DOCK9: variants seen among roughly 807,000 people sequenced by gnomAD.
The protein encoded by DOCK9 is dedicator of cytokinesis protein 9.
Under a neutral mutation model 263.3 loss-of-function variants are expected in DOCK9, and 89 were observed. The observed-to-expected ratio is 0.34, with a 90% confidence interval of 0.28 to 0.40. The LOEUF (loss-of-function observed/expected upper bound fraction) is 0.40, where lower values mean the gene tolerates loss of function less well. Among genes scored for constraint, DOCK9 ranks in the 10% least tolerant of loss-of-function variants. The pLI is 1.00. For missense variants in DOCK9, 2,140 were observed against 2,603.4 expected (o/e 0.82, Z 3.87); for synonymous variants, 976 against 973.1 (o/e 1.00, Z -0.06).
intron 38 of DOCK9, among the ~76,000 whole-genome samples, chr13:98,843,790 A>C (rs546178063): frequency 6.6e-6 from 1 of 152,368 alleles, no homozygotes; most frequent in African/African-American, 2.4e-5. Context: ...GCACCAGGCC[A>C]GCTGTCTCTC....
At position 98,888,202 on chromosome 13, in the gene DOCK9, T is replaced by A. The variant is rs746632565; in HGVS notation, c.1999A>T (p.Ile667Phe). 1 of 1,610,286 alleles carries A rather than the reference T, an allele frequency of 6.2e-7. No individual in the cohort carries two copies. The highest frequency in any genetic ancestry group is 1.1e-5 in the South Asian group (1 of 90,218). ...TCCTCATCTGAATCTTTGAATTCAA[T>A]GCAAATCGCAATATTTCTAGCCTGC... Reference protein sequence around the residue: ...FAKARNIAICIEFKDSDEEDS... With the variant: ...FAKARNIAICFEFKDSDEEDS... The change falls in exon 18 of 53, where the codon ATT (isoleucine) becomes TTT (phenylalanine). Residue 667 changes from isoleucine (I) to phenylalanine (F), a missense_variant. Ile to Phe is a conservative substitution (Grantham distance 21). This residue lies in a region of DOCK9 where 1,521 missense variants were observed against 1,741.7 expected (regional missense o/e 0.87). Transcript: ENST00000682017.
chr13:98,826,794 T>A, intron 44 of DOCK9, 36 bp downstream of exon 44: 1 of 1,536,042 alleles, frequency 6.5e-7, no homozygotes, highest in Non-Finnish European at 8.9e-7. Context: ...GGTTTTATAC[T>A]AATTAATTTC....
chr13:98,853,605 T>C, intron 34 of DOCK9, 83 bp from the exon 35 acceptor site: 1 of 1,008,146 alleles, frequency 9.9e-7, no homozygotes, highest in Non-Finnish European at 1.5e-6. Flanking sequence ...AGAGAAAGAC[T>C]CTTAGAATCA....
chr13:99,013,668 G>A (rs12875358), intron 1 of DOCK9, among the ~76,000 whole-genome samples: 13,436 of 152,142 alleles, frequency 0.088, 721 homozygotes, highest in African/African-American at 0.15. Flanking sequence ...GTCCTGGGAA[G>A]TAGAAACAGC....
At chr13:98,839,038 A>C (rs910009373) in intron 38 of DOCK9, among the ~76,000 whole-genome samples, 1 of 152,228 alleles carries the variant, frequency 6.6e-6, no homozygotes, top group Admixed American at 6.5e-5. Context: ...GGTTTTTAAA[A>C]GGCTACAGAA....
At chr13:98,845,268 G>T in intron 38 of DOCK9, 6 of 1,221,026 alleles carry the variant, frequency 4.9e-6, no homozygotes, top group Non-Finnish European at 5.5e-6. Flanking sequence ...TGAACAAAAA[G>T]GGTCTTGGCT....
chr13:98,831,490 G>A lies in DOCK9; in HGVS notation c.4493C>T (p.Ala1498Val), dbSNP rs760655497. ...CTTGAGAATCTCGTAACACAGAGCCGCACACATGTCCGCTCTCCCTTCATA... is the reference window on the plus strand; with the variant it reads ...CTTGAGAATCTCGTAACACAGAGCCACACACATGTCCGCTCTCCCTTCATA... ...TFYEGRADMC[A>V]ALCYEILKCC... The change falls in exon 41 of 53, where the codon GCG (alanine) becomes GTG (valine). Residue 1498 changes from alanine to valine, a missense_variant. Physicochemically the swap from Ala to Val is moderately conservative, Grantham distance 64. Transcript: ENST00000682017. 1.0e-5 allele frequency: 16 copies of A among 1,590,564 alleles called. No individual in the cohort carries two copies. The highest frequency in any genetic ancestry group is 2.3e-5 in the East Asian group (1 of 44,052).
intron 4 of DOCK9, among the ~76,000 whole-genome samples, chr13:98,924,437 C>T (rs1390907697): frequency 6.6e-6 from 1 of 152,216 alleles, no homozygotes; most frequent in Non-Finnish European, 1.5e-5. Context: ...AGTTTTAAAA[C>T]ATAATCCATC....
At chr13:99,074,628 GAAC>G (rs2041833850) in intron 1 of DOCK9, among the ~76,000 whole-genome samples, 1 of 79,470 alleles carries the variant, frequency 1.3e-5, no homozygotes, top group East Asian at 9.9e-4. Flanking sequence ...GTGATACAAA[GAAC>G]AACAGATGAG....
At chr13:98,884,690 G>A (rs575292191) in intron 21 of DOCK9, among the ~76,000 whole-genome samples, 1 of 152,098 alleles carries the variant, frequency 6.6e-6, no homozygotes. Context: ...ATGGCCAGTC[G>A]GCAGAGACAG....
At position 98,915,423 on chromosome 13, in the gene DOCK9, C is replaced by T; in HGVS notation, c.798G>A (p.Val266=). The change falls in exon 8 of 53, where the codon GTG becomes GTA. Residue 266 remains valine, a synonymous_variant. Coordinates refer to ENST00000682017, the MANE Select transcript of DOCK9 (RefSeq NM_001366683.2). ...GAATTGTGATCCATTCTTCCATTTC[C>T]ACTTCACTGTCTGCTGCCAAGAGAT... is the stretch of plus-strand genomic sequence containing the variant. ...SSYLLAADSE[V]EMEEWITILN... is the part of the protein sequence containing the mutation. 1 of 1,613,936 alleles carries T rather than the reference C, an allele frequency of 6.2e-7. No homozygotes were observed. The highest frequency in any genetic ancestry group is 8.5e-7 in the Non-Finnish European group (1 of 1,179,868).
At chr13:99,001,663 T>C (rs566396462) in intron 1 of DOCK9, among the ~76,000 whole-genome samples, 3 of 152,304 alleles carry the variant, frequency 2.0e-5, no homozygotes, top group South Asian at 4.1e-4. Context: ...AGAGGAGGAC[T>C]TGGGGCCTTT....
chr13:98,890,612 A>G (rs2046474567), intron 15 of DOCK9, among the ~76,000 whole-genome samples: 1 of 152,188 alleles, frequency 6.6e-6, no homozygotes, highest in African/African-American at 2.4e-5. Flanking sequence ...ACCAAAGCAC[A>G]GGGACTGGCA....
At chr13:98,942,488 T>C (rs1183142923) in intron 2 of DOCK9, among the ~76,000 whole-genome samples, 10 of 152,142 alleles carry the variant, frequency 6.6e-5, no homozygotes, top group Non-Finnish European at 1.3e-4. Context: ...TCTGCCCACC[T>C]CGGCCTCCCA....
chr13:98,869,336 A>G (rs1227771007), intron 27 of DOCK9, among the ~76,000 whole-genome samples: 3 of 152,204 alleles, frequency 2.0e-5, no homozygotes, highest in African/African-American at 7.2e-5. Context: ...TACCCCTATA[A>G]GTTTAATCCT....
intron 1 of DOCK9, among the ~76,000 whole-genome samples, chr13:99,008,212 CTATATATA>C (rs1161970142): frequency 1.3e-5 from 1 of 79,166 alleles, no homozygotes; most frequent in Non-Finnish European, 2.6e-5. Flanking sequence ...CTCTCTCTCT[CTATATATA>C]TATATATATA....
At chr13:99,009,824 G>A (rs572674003) in intron 1 of DOCK9, among the ~76,000 whole-genome samples, 47 of 152,170 alleles carry the variant, frequency 3.1e-4, no homozygotes, top group African/African-American at 1.1e-3. Flanking sequence ...TTTTTTCATA[G>A]CCGGTAGGTT....
At chr13:98,966,701 G>A (rs1046469140) in intron 1 of DOCK9, among the ~76,000 whole-genome samples, 6 of 152,232 alleles carry the variant, frequency 3.9e-5, no homozygotes, top group Non-Finnish European at 8.8e-5. Flanking sequence ...ATAGGGAATG[G>A]AATATTCATA....
intron 1 of DOCK9, among the ~76,000 whole-genome samples, chr13:98,974,322 G>T (rs2060010675): frequency 6.6e-6 from 1 of 152,168 alleles, no homozygotes; most frequent in South Asian, 2.1e-4. Context: ...TAGAAATGGG[G>T]AAGTTTCACC....
Sources: allele counts gnomAD v4.1 joint callset (sites outside exome capture counted in the v4.1 genomes callset), GRCh38; gene constraint gnomAD v4.1.1; regional missense constraint gnomAD v4.1.1; transcripts MANE v1.5; gene names NCBI Gene and HGNC (gene_info 2026-07-23, HGNC 2026-07-21).